The following BTBD1 variants were observed in gnomAD, a reference collection of about 807,000 sequenced individuals.
The protein encoded by BTBD1 is BTB domain containing 1.
Under a neutral mutation model 48.0 loss-of-function variants are expected in BTBD1, and 34 were observed. That is an observed-to-expected ratio of 0.71 (90% CI 0.54 to 0.94). BTBD1 has a LOEUF of 0.94. Ranked by LOEUF, BTBD1 falls within the 40% of genes least tolerant of loss-of-function variation. BTBD1 has a pLI of 0.00. For synonymous variants in BTBD1, 261 were observed against 242.1 expected (o/e 1.08, Z -0.72); for missense variants, 543 against 625.6 (o/e 0.87, Z 1.41).
At chr15:83,040,423 C>T (rs1022894256) in intron 4 of BTBD1, among the ~76,000 whole-genome samples, 9 of 152,102 alleles carry the variant, frequency 5.9e-5, no homozygotes, top group Non-Finnish European at 1.3e-4. Context: ...ATCATGAGAG[C>T]TAGGCACAGT....
At chr15:83,048,097 G>C (rs1350993959) in intron 3 of BTBD1, among the ~76,000 whole-genome samples, 2 of 152,136 alleles carry the variant, frequency 1.3e-5, no homozygotes, top group African/African-American at 4.8e-5. Flanking sequence ...GTTAAGTAGT[G>C]GTCAGATTCA....
chr15:83,038,609 A>C (rs1053179913), intron 4 of BTBD1, among the ~76,000 whole-genome samples: 2 of 152,218 alleles, frequency 1.3e-5, no homozygotes, highest in African/African-American at 4.8e-5. Context: ...AAGCAGAAAG[A>C]ACAAAATTGG....
chr15:83,037,456 T>C (rs1437913660), intron 4 of BTBD1, among the ~76,000 whole-genome samples: 3 of 152,098 alleles, frequency 2.0e-5, no homozygotes, highest in Non-Finnish European at 4.4e-5. Flanking sequence ...ACTGTCTCAA[T>C]AGACATGAAA....
Position 83,050,133 on chromosome 15 carries a change from T to TA in BTBD1, c.603dup (p.Thr202TyrfsTer17). The TA allele has an allele frequency of 6.2e-7, 1 of 1,613,238 alleles. No homozygotes were observed. Among genetic ancestry groups the TA allele is most frequent in the Non-Finnish European group, 8.5e-7 (1 of 1,179,548 alleles). ...GCATCCATTGTGCTTTTGTCTATTGTATCTAGACAAAGACTAGCAAGCTGA... is the reference window on the plus strand; with the variant it reads ...GCATCCATTGTGCTTTTGTCTATTGTAATCTAGACAAAGACTAGCAAGCTGA... On this transcript the variant is annotated frameshift_variant, in exon 3 of 8. Coordinates refer to ENST00000261721, the MANE Select transcript of BTBD1 (RefSeq NM_025238.4). LOFTEE classifies it high-confidence loss of function.
chr15:83,025,357 C>CAAAAAAAAAAA (rs767479917), intron 5 of BTBD1, among the ~76,000 whole-genome samples: 48 of 64,164 alleles, frequency 7.5e-4, no homozygotes, highest in African/African-American at 1.3e-3. Context: ...GACTCCATCA[C>CAAAAAAAAAAA]AAAAAAAAAA....
At position 83,067,174 on chromosome 15, in the gene BTBD1, C is replaced by A. The variant is rs8040457; in HGVS notation, c.-23G>T. 8 of 1,398,952 alleles carry A rather than the reference C, an allele frequency of 5.7e-6. No individual in the cohort carries two copies. Among genetic ancestry groups the A allele is most frequent in the Non-Finnish European group, 5.6e-6 (6 of 1,080,662 alleles). The allele number at this position is 1,398,952 out of a possible 1,614,324, so 86.7% of individuals were successfully genotyped here. A position where few individuals can be genotyped will look rare whatever the true frequency, so the allele number is the denominator to read the frequency against. On this transcript the variant is annotated 5_prime_UTR_variant, in exon 1 of 8. Transcript: ENST00000261721. ...CATCCTCCAGCTGCGCGGTTGCCCA[C>A]GTTATGGACAAAACTCCGCCGCCAT...
At chr15:83,041,967 A>G (rs765071729) in intron 3 of BTBD1, 42 bp from the exon 4 acceptor site, 3 of 1,572,626 alleles carry the variant, frequency 1.9e-6, no homozygotes, top group Non-Finnish European at 1.7e-6. Context: ...GAAATATTTT[A>G]GCTCTCTAAC....
chr15:83,050,282 T>A, intron 2 of BTBD1, 104 bp from the exon 3 acceptor site: 1 of 582,866 alleles, frequency 1.7e-6, no homozygotes, highest in Middle Eastern at 4.6e-4. Flanking sequence ...GCTAATTATG[T>A]AAAAATATCT....
chr15:83,019,123 G>C (rs1468688471), intron 6 of BTBD1, among the ~76,000 whole-genome samples: 1 of 151,572 alleles, frequency 6.6e-6, no homozygotes, highest in African/African-American at 2.4e-5. Context: ...GCAGTGTTGG[G>C]GTCTCGGCTC....
intron 4 of BTBD1, chr15:83,030,843 G>C (rs1281738928): frequency 6.6e-6 from 1 of 152,088 alleles, no homozygotes; most frequent in African/African-American, 2.4e-5. Flanking sequence ...CACAGAGTGG[G>C]AGAAAATATT....
chr15:83,064,377 G>GA (rs534004118), intron 1 of BTBD1, among the ~76,000 whole-genome samples: 175 of 149,770 alleles, frequency 1.2e-3, no homozygotes, highest in African/African-American at 4.1e-3. Context: ...ATGTAAAAAT[G>GA]AAAAAAAAGT....
chr15:83,039,773 G>GT (rs1213906523), intron 4 of BTBD1, among the ~76,000 whole-genome samples: 25 of 112,558 alleles, frequency 2.2e-4, no homozygotes, highest in African/African-American at 8.1e-4. Flanking sequence ...GTGAGGCTCT[G>GT]TCTCAAAAAA....
chr15:83,044,912 G>A (rs1448420526), intron 3 of BTBD1: 1 of 619,382 alleles, frequency 1.6e-6, no homozygotes, highest in Non-Finnish European at 2.9e-6. Flanking sequence ...CTATTTCAAA[G>A]TGTCTTGGAT....
At chr15:83,028,235 G>A (rs1172126148) in intron 5 of BTBD1, among the ~76,000 whole-genome samples, 1 of 152,054 alleles carries the variant, frequency 6.6e-6, no homozygotes, top group Admixed American at 6.5e-5. Context: ...ATTCTTCTAG[G>A]CCTAATCTAG....
At chr15:83,064,166 T>C (rs1162166281) in intron 1 of BTBD1, among the ~76,000 whole-genome samples, 1 of 152,242 alleles carries the variant, frequency 6.6e-6, no homozygotes, top group African/African-American at 2.4e-5. Flanking sequence ...TGTTTACAAG[T>C]ATGCCCAAAC....
Position 83,029,241 on chromosome 15 carries a change from T to C in BTBD1, c.1055+895A>G, listed in dbSNP as rs574847043. On this transcript the variant is annotated intron_variant, in intron 5 of 7. Transcript: ENST00000261721. Reference sequence around the variant, plus strand: ...ACAAACTTGTTAATTTCCAGTTTTATACTGAAGTGCTATTAAATAAATGAA... The same window carrying C: ...ACAAACTTGTTAATTTCCAGTTTTACACTGAAGTGCTATTAAATAAATGAA... Among the ~76,000 whole-genome samples, 5 of 152,356 alleles carry C rather than the reference T, an allele frequency of 3.3e-5. 1 individual carries two copies. The South Asian group carries it at 1.0e-3, about 32-fold the overall frequency.
chr15:83,060,579 G>C (rs1166718482), intron 1 of BTBD1, among the ~76,000 whole-genome samples: 1 of 151,808 alleles, frequency 6.6e-6, no homozygotes, highest in Non-Finnish European at 1.5e-5. Context: ...GGATCACCTG[G>C]GGTCAGGAGT....
At chr15:83,032,659 T>C (rs2032540176) in intron 4 of BTBD1, among the ~76,000 whole-genome samples, 1 of 152,118 alleles carries the variant, frequency 6.6e-6, no homozygotes, top group Non-Finnish European at 1.5e-5. Flanking sequence ...GTCTTACTTA[T>C]AAGTGGGAGC....
At chr15:83,048,270 G>C (rs2032916099) in intron 3 of BTBD1, among the ~76,000 whole-genome samples, 1 of 152,170 alleles carries the variant, frequency 6.6e-6, no homozygotes, top group African/African-American at 2.4e-5. Flanking sequence ...GAACAGAAGA[G>C]TCCTCACAGA....
Sources: gnomAD v4.1 joint callset for allele counts (sites outside exome capture counted in the v4.1 genomes callset) on GRCh38, gnomAD v4.1.1 for gene constraint, MANE v1.5 for transcripts, NCBI Gene and HGNC (gene_info 2026-07-23, HGNC 2026-07-21) for gene names.